The following CMTM4 variants were observed in gnomAD, a reference collection of about 807,000 sequenced individuals.
CMTM4 encodes CKLF-like MARVEL transmembrane domain-containing protein 4.
CMTM4 carries 8 observed loss-of-function variants against 19.0 expected under a neutral mutation model. That is an observed-to-expected ratio of 0.42 (90% confidence interval 0.25 to 0.76). The LOEUF (loss-of-function observed/expected upper bound fraction) is 0.76. CMTM4 is among the 30% of genes least tolerant of loss of function. The pLI is 0.27. For missense variants in CMTM4, 228 were observed against 290.2 expected (o/e 0.79, Z 1.56); for synonymous variants, 106 against 121.1 (o/e 0.88, Z 0.82).
intron 1 of CMTM4, among the ~76,000 whole-genome samples, chr16:66,675,255 A>G (rs2016789525): frequency 6.7e-6 from 1 of 149,494 alleles, no homozygotes; most frequent in Non-Finnish European, 1.5e-5. Flanking sequence ...TAATTTTTGT[A>G]TTTTTAGTAG....
At chr16:66,675,474 A>C (rs80123423) in intron 1 of CMTM4, among the ~76,000 whole-genome samples, 1 of 151,544 alleles carries the variant, frequency 6.6e-6, no homozygotes, top group Non-Finnish European at 1.5e-5. Flanking sequence ...AAAAAAAAAA[A>C]AAACCTGCAG....
the CMTM4 span, among the ~76,000 whole-genome samples, chr16:66,607,176 C>G: frequency 1.1e-3 from 161 of 152,336 alleles, no homozygotes; most frequent in African/African-American, 3.7e-3. Context: ...TGTGGAGCCC[C>G]AGGCTGGCCA....
chr16:66,675,930 T>C (rs1467001144), intron 1 of CMTM4, among the ~76,000 whole-genome samples: 2 of 152,028 alleles, frequency 1.3e-5, no homozygotes, highest in Admixed American at 6.6e-5. Flanking sequence ...GGTGCGATCA[T>C]AGCTTGTAAC....
chr16:66,630,319 TC>T (rs1191451031), intron 2 of CMTM4, among the ~76,000 whole-genome samples: 2 of 18,634 alleles, frequency 1.1e-4, no homozygotes, highest in Non-Finnish European at 2.0e-4. Context: ...ACCCTCCCCC[TC>T]CCCCCTCCCT....
At chr16:66,655,783 C>A (rs2144849580) in intron 1 of CMTM4, among the ~76,000 whole-genome samples, 1 of 151,986 alleles carries the variant, frequency 6.6e-6, no homozygotes, top group South Asian at 2.1e-4. Flanking sequence ...TAGAGGGGTT[C>A]CCATTGGCCA....
downstream of CMTM4, among the ~76,000 whole-genome samples, chr16:66,610,445 G>A (rs1201745959): frequency 6.6e-6 from 1 of 152,152 alleles, no homozygotes; most frequent in Non-Finnish European, 1.5e-5. This position sits in a 1 kb window ranked among gnomAD's most constrained non-coding sequence, Gnocchi z 4.6. Flanking sequence ...GATGTGTCCC[G>A]TACCAGGGGA....
At chr16:66,603,973 G>A in the CMTM4 span, 1 of 152,436 alleles carries the variant, frequency 6.6e-6, no homozygotes, top group Admixed American at 6.5e-5. Flanking sequence ...ACAGGAAGCT[G>A]GGTCTTGATC....
At chr16:66,632,709 A>G (rs1266547072) in intron 2 of CMTM4, among the ~76,000 whole-genome samples, 1 of 151,990 alleles carries the variant, frequency 6.6e-6, no homozygotes, top group Admixed American at 6.6e-5. Context: ...AGGGAAGGGG[A>G]GGAAAGGAGG....
Position 66,695,968 on chromosome 16 carries a change from C to CG in CMTM4, c.186+371dup. Reference sequence around the variant, plus strand: ...GGCACCGTCCGGAGGTTGCGCGGGCCGGGAAAACCTGCCACAGGTTGCTAA... The same window carrying CG: ...GGCACCGTCCGGAGGTTGCGCGGGCCGGGGAAAACCTGCCACAGGTTGCTAA... On this transcript the variant is annotated intron_variant, in intron 1 of 3. Coordinates refer to ENST00000394106, the MANE Select transcript of CMTM4 (RefSeq NM_181521.3). Among the ~76,000 whole-genome samples, 2 of 152,318 alleles carry CG rather than the reference C, an allele frequency of 1.3e-5. 1 individual carries two copies. Among genetic ancestry groups the CG allele is most frequent in the Middle Eastern group, 6.8e-3 (2 of 294 alleles).
In CMTM4 at chr16:66,614,965, A is replaced by G. The variant is rs1419925607; in HGVS notation, c.*7093T>C. On this transcript the variant is annotated 3_prime_UTR_variant, in exon 4 of 4. Transcript: ENST00000394106. This position sits in a 1 kb window ranked among gnomAD's most constrained non-coding sequence, Gnocchi z 4.9. ...GAGGCTTTGCCTGCTGTCGGGGACA[A>G]ATCAATAGCAGCAAAGCTTTGGGGC... 1 of 152,258 alleles carries G rather than the reference A, an allele frequency of 6.6e-6. No homozygotes were observed. The highest frequency in any genetic ancestry group is 6.5e-5 in the Admixed American group (1 of 15,286). The allele number at this position is 152,258 out of a possible 1,614,324, so 9.4% of individuals were successfully genotyped here. A position where few individuals can be genotyped will look rare whatever the true frequency, so the allele number is the denominator to read the frequency against.
At chr16:66,613,069 T>G (rs2015444266), downstream of CMTM4, 1 of 702,840 alleles carries the variant, frequency 1.4e-6, no homozygotes. Context: ...CAGGCCCCGG[T>G]GGGTTTGTCT....
chr16:66,678,476 G>A (rs576951000), intron 1 of CMTM4, among the ~76,000 whole-genome samples: 2 of 152,280 alleles, frequency 1.3e-5, no homozygotes, highest in South Asian at 4.1e-4. Context: ...TGGAAAACTA[G>A]GCCTTGTTAG....
At chr16:66,609,456 G>A in the CMTM4 span, 18 of 1,612,810 alleles carry the variant, frequency 1.1e-5, no homozygotes, top group East Asian at 8.9e-5. This position sits in a 1 kb window ranked among gnomAD's most constrained non-coding sequence, Gnocchi z 4.4. Flanking sequence ...CTGTGTCACC[G>A]CGGCCCTCAT....
At chr16:66,694,276 G>C (rs973519100) in intron 1 of CMTM4, among the ~76,000 whole-genome samples, 1 of 152,066 alleles carries the variant, frequency 6.6e-6, no homozygotes, top group African/African-American at 2.4e-5. Context: ...TTAGGGACAA[G>C]TTCTATTTAC....
At chr16:66,626,574 C>A (rs1173863887) in intron 2 of CMTM4, among the ~76,000 whole-genome samples, 1 of 152,128 alleles carries the variant, frequency 6.6e-6, no homozygotes, top group Non-Finnish European at 1.5e-5. Context: ...CCACTGCACT[C>A]CAGCCTGGGC....
chr16:66,691,407 T>G (rs907791298), intron 1 of CMTM4, among the ~76,000 whole-genome samples: 6 of 152,168 alleles, frequency 3.9e-5, no homozygotes, highest in Non-Finnish European at 8.8e-5. Context: ...GGTTTCATTT[T>G]GAAAAGATAT....
chr16:66,696,257 C>T lies in CMTM4; in HGVS notation c.186+83G>A, dbSNP rs975901256. 6.8e-6 allele frequency: 7 copies of T among 1,037,034 alleles called. No homozygotes were observed. The highest frequency in any genetic ancestry group is 7.2e-4 in the Middle Eastern group (2 of 2,766). The allele number at this position is 1,037,034 out of a possible 1,614,324, so 64.2% of individuals were successfully genotyped here. ...GCTCCGGCCTGGGCAAGCGGGTACG[C>T]GGCGGAGGCCCCGCAGCGGGGCGGG... On this transcript the variant is annotated intron_variant, in intron 1 of 3. Coordinates refer to ENST00000394106, the MANE Select transcript of CMTM4 (RefSeq NM_181521.3). The surrounding 1 kb of genome is among the most constrained non-coding windows in gnomAD (Gnocchi z 4.3).
chr16:66,674,268 C>A (rs902279722), intron 1 of CMTM4, among the ~76,000 whole-genome samples: 1 of 152,180 alleles, frequency 6.6e-6, no homozygotes, highest in East Asian at 1.9e-4. Context: ...TGAGGCCCAG[C>A]TGCTTGGCCC....
downstream of CMTM4, chr16:66,610,136 T>G: frequency 8.9e-7 from 1 of 1,127,050 alleles, no homozygotes; most frequent in Non-Finnish European, 1.3e-6. This position sits in a 1 kb window ranked among gnomAD's most constrained non-coding sequence, Gnocchi z 4.6. Flanking sequence ...TCACAGCCCA[T>G]TCTCACCTAC....
Sources: gnomAD v4.1 joint callset for allele counts (sites outside exome capture counted in the v4.1 genomes callset) on GRCh38, gnomAD v4.1.1 for gene constraint, Gnocchi (gnomAD v3.1) non-coding constraint, MANE v1.5 for transcripts, NCBI Gene and HGNC (gene_info 2026-07-23, HGNC 2026-07-21) for gene names.